GRID2: variants seen among roughly 807,000 people sequenced by gnomAD.
The protein encoded by GRID2 is glutamate receptor ionotropic, delta-2.
A neutral mutation model predicts 114.8 loss-of-function variants in GRID2; 33 were observed. The ratio of observed to expected loss-of-function variants is 0.29; its 90% CI spans 0.22 to 0.38. The LOEUF is 0.38. Ranked by LOEUF, GRID2 falls within the 10% of genes least tolerant of loss-of-function variation. The probability of loss-of-function intolerance (pLI) is 1.00; values close to 1 mark genes in which losing one functional copy is unlikely to be tolerated. For synonymous variants in GRID2, 505 were observed against 449.9 expected (o/e 1.12, Z -1.55); for missense variants, 1,184 against 1,257.7 (o/e 0.94, Z 0.89).
intron 1 of GRID2, among the ~76,000 whole-genome samples, chr4:93,788,499 A>G (rs1390526928): frequency 6.6e-6 from 1 of 152,144 alleles, no homozygotes; most frequent in Non-Finnish European, 1.5e-5. Flanking sequence ...ATACACACAC[A>G]TATGTACATA....
chr4:92,881,566 T>C (rs542981233), intron 2 of GRID2, among the ~76,000 whole-genome samples: 11 of 152,342 alleles, frequency 7.2e-5, no homozygotes, highest in Admixed American at 2.0e-4. Context: ...AAAAATTCTA[T>C]ATTTATGATT....
intron 2 of GRID2, among the ~76,000 whole-genome samples, chr4:93,009,087 A>T (rs545322948): frequency 6.6e-6 from 1 of 152,134 alleles, no homozygotes; most frequent in Non-Finnish European, 1.5e-5. Context: ...TTTTGATGGC[A>T]TGAAAACAAA....
At chr4:92,922,578 A>G (rs879300697) in intron 2 of GRID2, among the ~76,000 whole-genome samples, 3 of 152,198 alleles carry the variant, frequency 2.0e-5, no homozygotes, top group South Asian at 2.1e-4. Context: ...TGGTTTTAAT[A>G]TGAAATTACA....
intron 1 of GRID2, among the ~76,000 whole-genome samples, chr4:92,556,834 T>G (rs1340128643): frequency 6.6e-6 from 1 of 152,242 alleles, no homozygotes; most frequent in African/African-American, 2.4e-5. Flanking sequence ...TGCCATATTC[T>G]AATTATTAGA....
intron 8 of GRID2, among the ~76,000 whole-genome samples, chr4:93,351,590 T>C (rs1284121938): frequency 1.3e-5 from 2 of 152,070 alleles, no homozygotes; most frequent in Non-Finnish European, 2.9e-5. Flanking sequence ...CAATCAGAAC[T>C]TTGTTTCATG....
Position 93,772,316 on chromosome 4 carries a change from G to T in GRID2, c.2842G>T (p.Ala948Ser), listed in dbSNP as rs747511029. The change falls in exon 16 of 16, where the codon GCT becomes TCT. Residue 948 changes from alanine (A) to serine (S), a missense_variant. Coordinates refer to ENST00000282020, the MANE Select transcript of GRID2 (RefSeq NM_001510.4). ...TCTTAGCCGCACACTGTCAGCTAAA[G>T]CTGCTTCTGGTTTCACTTTTGGCAA... ...QTLSRTLSAK[A>S]ASGFTFGNVP... is the part of the protein sequence containing the mutation. 11 of 1,614,014 alleles carry T rather than the reference G, an allele frequency of 6.8e-6. No individual in the cohort carries two copies. The East Asian group carries it at 2.2e-4, about 33-fold the overall frequency.
At chr4:92,532,069 G>T (rs1012588145) in intron 1 of GRID2, among the ~76,000 whole-genome samples, 3 of 152,102 alleles carry the variant, frequency 2.0e-5, no homozygotes, top group African/African-American at 7.2e-5. Context: ...GTGGTTGAGT[G>T]GCCACTAGCA....
At chr4:93,013,261 ATTAT>A (rs1462769178) in intron 2 of GRID2, among the ~76,000 whole-genome samples, 1 of 152,010 alleles carries the variant, frequency 6.6e-6, no homozygotes, top group Non-Finnish European at 1.5e-5. Context: ...GGTATGGATG[ATTAT>A]TTAAGAGTTT....
intron 1 of GRID2, among the ~76,000 whole-genome samples, chr4:92,359,375 C>A (rs1165563798): frequency 6.6e-6 from 1 of 151,916 alleles, no homozygotes; most frequent in Non-Finnish European, 1.5e-5. Flanking sequence ...AATTCTAGCT[C>A]CATACTGAAA....
chr4:93,074,509 G>A (rs1196651385), intron 2 of GRID2, among the ~76,000 whole-genome samples: 9 of 152,162 alleles, frequency 5.9e-5, no homozygotes, highest in Non-Finnish European at 8.8e-5. Flanking sequence ...GCAGTACATA[G>A]AGGGAAATTT....
chr4:93,531,636 A>C (rs893725208), intron 13 of GRID2, among the ~76,000 whole-genome samples: 1 of 152,142 alleles, frequency 6.6e-6, no homozygotes, highest in Non-Finnish European at 1.5e-5. Context: ...TTAAGTTGAT[A>C]ATAGATAAAC....
At chr4:92,505,103 A>G (rs1394295915) in intron 1 of GRID2, among the ~76,000 whole-genome samples, 1 of 152,016 alleles carries the variant, frequency 6.6e-6, no homozygotes, top group Admixed American at 6.6e-5. Flanking sequence ...GAGCTTTTAC[A>G]CTACATAAAC....
chr4:93,448,353 C>T (rs984576988), intron 10 of GRID2, among the ~76,000 whole-genome samples: 1 of 151,656 alleles, frequency 6.6e-6, no homozygotes, highest in Non-Finnish European at 1.5e-5. Context: ...CCAAAGAAAA[C>T]ATGCTACATA....
Position 93,714,277 on chromosome 4 carries a change from T to C in GRID2, c.2361-54933T>C, listed in dbSNP as rs553996108. Among the ~76,000 whole-genome samples the C allele has an allele frequency of 3.9e-5, 6 of 152,318 alleles. No individual in the cohort carries two copies. In the South Asian group the frequency reaches 1.2e-3, roughly 32 times the overall value. ...CTGCAAAGACCATAATTCTCATTCC[T>C]TTTTATGGCTGCATAGTATTCCATG... On this transcript the variant is annotated intron_variant, in intron 14 of 15. Coordinates refer to ENST00000282020, the MANE Select transcript of GRID2 (RefSeq NM_001510.4).
chr4:92,376,091 T>G (rs1372120345), intron 1 of GRID2, among the ~76,000 whole-genome samples: 2 of 151,812 alleles, frequency 1.3e-5, no homozygotes, highest in African/African-American at 2.4e-5. Context: ...TAGGGCAAAA[T>G]GGGGAAAAAA....
At chr4:93,198,803 T>G (rs1225596899) in intron 4 of GRID2, among the ~76,000 whole-genome samples, 1 of 152,126 alleles carries the variant, frequency 6.6e-6, no homozygotes, top group African/African-American at 2.4e-5. Context: ...TATATTGCAT[T>G]TAGACGTGAT....
intron 1 of GRID2, among the ~76,000 whole-genome samples, chr4:93,796,644 G>A (rs1168900966): frequency 1.3e-5 from 2 of 152,118 alleles, no homozygotes; most frequent in Non-Finnish European, 2.9e-5. Context: ...CCCGAGTTCA[G>A]GTGATTCTCC....
At chr4:93,152,391 A>G (rs2149398563) in intron 4 of GRID2, among the ~76,000 whole-genome samples, 1 of 152,214 alleles carries the variant, frequency 6.6e-6, no homozygotes, top group East Asian at 1.9e-4. Context: ...GTGGTTGTTT[A>G]CTCTTGATTT....
At chr4:92,851,996 G>A (rs965465408) in intron 2 of GRID2, among the ~76,000 whole-genome samples, 1 of 151,880 alleles carries the variant, frequency 6.6e-6, no homozygotes, top group Non-Finnish European at 1.5e-5. Flanking sequence ...GTAAAGAGTG[G>A]TAATTATATA....
Sources: gnomAD v4.1 joint callset for allele counts (sites outside exome capture counted in the v4.1 genomes callset) on GRCh38, gnomAD v4.1.1 for gene constraint, MANE v1.5 for transcripts, NCBI Gene and HGNC (gene_info 2026-07-23, HGNC 2026-07-21) for gene names.